TIAM2: variants seen among roughly 807,000 people sequenced by gnomAD.
TIAM2 encodes the protein TIAM Rac1 associated GEF 2.
Under a neutral mutation model 152.9 loss-of-function variants are expected in TIAM2, and 80 were observed. The observed-to-expected ratio is 0.52, with a 90% CI of 0.44 to 0.63. The LOEUF is 0.63. Among genes scored for constraint, TIAM2 ranks in the 30% least tolerant of loss-of-function variants. TIAM2 has a pLI of 0.00. For synonymous variants in TIAM2, 804 were observed against 838.0 expected, an observed-to-expected ratio of 0.96 and a Z score of 0.70; for missense variants, 1,965 against 2,120.1, an observed-to-expected ratio of 0.93 and a Z score of 1.44.
At chr6:155,089,411 T>A (rs1778248631) in intron 1 of TIAM2, among the ~76,000 whole-genome samples, 1 of 152,224 alleles carries the variant, frequency 6.6e-6, no homozygotes, top group Non-Finnish European at 1.5e-5. Context: ...TTCACCGTAC[T>A]GGCCAGAGTG....
chr6:155,086,454 C>T (rs1778172038), intron 1 of TIAM2, among the ~76,000 whole-genome samples: 1 of 152,156 alleles, frequency 6.6e-6, no homozygotes, highest in Non-Finnish European at 1.5e-5. Context: ...CACCTGTAAT[C>T]CCAGCACTTT....
At position 155,099,003 on chromosome 6, in the gene TIAM2, CA is replaced by C. The variant is rs1445612737; in HGVS notation, c.-118+8625del. On this transcript the variant is annotated intron_variant, in intron 2 of 26. Coordinates refer to ENST00000682666, the MANE Select transcript of TIAM2 (RefSeq NM_012454.4). ...AGGAGTTTGAGACCAGCCTGACCAA[CA>C]CGGAGAAACTCCATCTTTACTAAAA... Among the ~76,000 whole-genome samples the C allele has an allele frequency of 1.4e-4, 22 of 152,242 alleles. No homozygotes were observed. The East Asian group carries it at 4.3e-3, about 29-fold the overall frequency.
intron 1 of TIAM2, among the ~76,000 whole-genome samples, chr6:155,002,723 C>G (rs1778332703): frequency 8.0e-6 from 1 of 124,348 alleles, no homozygotes; most frequent in African/African-American, 2.6e-5. Context: ...TTCTGTTGCT[C>G]AGGCTGGAGT....
At chr6:155,158,949 G>C (rs1281980724) in intron 7 of TIAM2, among the ~76,000 whole-genome samples, 3 of 152,034 alleles carry the variant, frequency 2.0e-5, no homozygotes, top group Non-Finnish European at 2.9e-5. Flanking sequence ...AATATCTCCA[G>C]AAACACCTTG....
intron 2 of TIAM2, among the ~76,000 whole-genome samples, chr6:155,107,296 G>C (rs1045504346): frequency 3.1e-4 from 47 of 152,132 alleles, no homozygotes; most frequent in African/African-American, 1.1e-3. Context: ...ACATTATTTT[G>C]TACTTAGGCA....
rs370150939 is a variant in TIAM2 at position 155,005,320 on chromosome 6, T to TTTTTTG, written c.-209+9846_-209+9851dup. On this transcript the variant is annotated intron_variant, in intron 1 of 26. Transcript: ENST00000682666. ...GAATCTTGGAGAGACCCTGAGAGAGTTTTTTGTTTTTGTTTTTGTTTTTTA... is the reference window on the plus strand; with the variant it reads ...GAATCTTGGAGAGACCCTGAGAGAGTTTTTTGTTTTTGTTTTTGTTTTTGTTTTTTA... The TTTTTTG allele has an allele frequency of 1.8e-3, 350 of 193,486 alleles. 1 individual carries two copies. The highest frequency in any genetic ancestry group is 7.9e-3 in the African/African-American group (335 of 42,546). The allele number at this position is 193,486 out of a possible 1,614,324, so 12.0% of individuals were successfully genotyped here.
chr6:155,224,082 G>A (rs903885430), intron 15 of TIAM2, among the ~76,000 whole-genome samples: 1 of 152,098 alleles, frequency 6.6e-6, no homozygotes, highest in African/African-American at 2.4e-5. Context: ...TCAAAGTTCT[G>A]AAATCGTCAC....
chr6:155,164,697 G>C, intron 8 of TIAM2, 97 bp downstream of exon 8: 6 of 1,445,094 alleles, frequency 4.2e-6, no homozygotes, highest in Non-Finnish European at 5.6e-6. Context: ...TGTGGGGCTT[G>C]ACCCAACAAC....
At chr6:155,029,484 A>T (rs1583159488) in intron 1 of TIAM2, among the ~76,000 whole-genome samples, 3 of 13,778 alleles carry the variant, frequency 2.2e-4, no homozygotes, top group African/African-American at 6.3e-4. Context: ...TAGTATATAT[A>T]CTATAGTATA....
intron 7 of TIAM2, among the ~76,000 whole-genome samples, chr6:155,151,611 G>A (rs1236410673): frequency 2.0e-5 from 3 of 152,100 alleles, no homozygotes; most frequent in African/African-American, 7.2e-5. Flanking sequence ...GGGGATACAG[G>A]TTTTTAAGCT....
chr6:155,049,437 C>T (rs1033305911), intron 1 of TIAM2, among the ~76,000 whole-genome samples: 5 of 152,142 alleles, frequency 3.3e-5, no homozygotes, highest in African/African-American at 9.7e-5. Context: ...TGTTTAGTCT[C>T]TGTTTTCCTA....
At chr6:155,056,018 A>G (rs1413375132) in intron 1 of TIAM2, among the ~76,000 whole-genome samples, 3 of 152,108 alleles carry the variant, frequency 2.0e-5, no homozygotes, top group Non-Finnish European at 4.4e-5. Flanking sequence ...AGAAAAATCT[A>G]TTCAGAATTA....
At chr6:155,208,986 C>A (rs1192731574) in intron 14 of TIAM2, among the ~76,000 whole-genome samples, 1 of 152,018 alleles carries the variant, frequency 6.6e-6, no homozygotes, top group Non-Finnish European at 1.5e-5. Context: ...GCTGCCCACC[C>A]CGCCTTGTCA....
At chr6:155,104,036 ACACACCCCCCCCCCCACACCCC>A (rs1562316872) in intron 2 of TIAM2, among the ~76,000 whole-genome samples, 5 of 91,042 alleles carry the variant, frequency 5.5e-5, no homozygotes, top group Admixed American at 1.2e-4. Flanking sequence ...CCTCACACAC[ACACACCCCCCCCCCCACACCCC>A]CACACACCCC....
At chr6:155,253,106 T>C (rs1783771721) in intron 24 of TIAM2, 53 bp downstream of exon 24, 8 of 1,443,618 alleles carry the variant, frequency 5.5e-6, no homozygotes, top group South Asian at 1.2e-5. Context: ...TAGACTTAAC[T>C]GTGGAATGTA....
chr6:154,997,257 T>C (rs1778230978), intron 1 of TIAM2, among the ~76,000 whole-genome samples: 1 of 152,196 alleles, frequency 6.6e-6, no homozygotes. Flanking sequence ...CTAGGAAGCT[T>C]TTCTTCCTTA....
At chr6:155,097,331 T>C (rs1188613090) in intron 2 of TIAM2, among the ~76,000 whole-genome samples, 1 of 152,176 alleles carries the variant, frequency 6.6e-6, no homozygotes, top group Non-Finnish European at 1.5e-5. Flanking sequence ...TTCCCTTTTC[T>C]GTGCAGAGCT....
intron 5 of TIAM2, among the ~76,000 whole-genome samples, chr6:155,139,769 A>G (rs1779647391): frequency 1.3e-5 from 2 of 152,018 alleles, no homozygotes; most frequent in African/African-American, 4.8e-5. Flanking sequence ...GTGAAACCCC[A>G]TCTCTACTAA....
chr6:155,209,652 C>A (rs1781675748), intron 14 of TIAM2, among the ~76,000 whole-genome samples: 1 of 152,244 alleles, frequency 6.6e-6, no homozygotes, highest in East Asian at 1.9e-4. Context: ...AACTCTGCAA[C>A]CAACAACAGT....
Sources: allele counts gnomAD v4.1 joint callset (sites outside exome capture counted in the v4.1 genomes callset), GRCh38; gene constraint gnomAD v4.1.1; transcripts MANE v1.5; gene names NCBI Gene and HGNC (gene_info 2026-07-23, HGNC 2026-07-21).